CSMD1: variants seen among roughly 807,000 people sequenced by gnomAD.
The protein encoded by CSMD1 is CUB and Sushi multiple domains 1.
In CSMD1, 213 loss-of-function variants were observed where a neutral mutation model predicts 417.5. The ratio of observed to expected loss-of-function variants is 0.51; its 90% CI spans 0.46 to 0.57. CSMD1 has a LOEUF of 0.57. Ranked by LOEUF, CSMD1 falls within the 20% of genes least tolerant of loss-of-function variation. The pLI is 0.00. For missense variants in CSMD1, 6,923 were observed against 4,529.7 expected (o/e 1.53, Z -15.17); for synonymous variants, 2,862 against 1,736.8 (o/e 1.65, Z -16.11).
At chr8:3,415,593 A>G (rs1813082720) in intron 12 of CSMD1, among the ~76,000 whole-genome samples, 2 of 152,176 alleles carry the variant, frequency 1.3e-5, no homozygotes, top group African/African-American at 4.8e-5. Context: ...TCCTGGCCTC[A>G]AGTGATCTGC....
At position 3,018,456 on chromosome 8, in the gene CSMD1, C is replaced by T. The variant is rs772395596; in HGVS notation, c.8029+21G>A. On this transcript the variant is annotated intron_variant, in intron 52 of 69. Coordinates refer to ENST00000635120, the MANE Select transcript of CSMD1 (RefSeq NM_033225.6). ...AAGGTTTATCTGCATTAAGTAAGTGCCAGAACACAGATGAATTTACCCAGA... is the reference window on the plus strand; with the variant it reads ...AAGGTTTATCTGCATTAAGTAAGTGTCAGAACACAGATGAATTTACCCAGA... 2.5e-6 allele frequency: 4 copies of T among 1,609,428 alleles called. No homozygotes were observed. In the South Asian group the frequency reaches 3.3e-5, roughly 13 times the overall value.
intron 3 of CSMD1, among the ~76,000 whole-genome samples, chr8:4,095,912 TTTCAG>T (rs1174455244): frequency 6.6e-6 from 1 of 152,214 alleles, no homozygotes; most frequent in Non-Finnish European, 1.5e-5. Flanking sequence ...CACATTTTTG[TTTCAG>T]TTATTTAAAT....
At chr8:4,932,314 T>G (rs1807301375) in intron 1 of CSMD1, among the ~76,000 whole-genome samples, 1 of 145,810 alleles carries the variant, frequency 6.9e-6, no homozygotes, top group Admixed American at 7.1e-5. Flanking sequence ...TGGTACCAAG[T>G]AACTACACAC....
intron 3 of CSMD1, among the ~76,000 whole-genome samples, chr8:4,054,425 C>G (rs779354102): frequency 6.6e-6 from 1 of 152,116 alleles, no homozygotes; most frequent in South Asian, 2.1e-4. Context: ...CATCATACCC[C>G]TAAACTCTTG....
intron 10 of CSMD1, among the ~76,000 whole-genome samples, chr8:3,544,642 C>G (rs1307332753): frequency 6.6e-6 from 1 of 152,138 alleles, no homozygotes; most frequent in Non-Finnish European, 1.5e-5. Flanking sequence ...ACCGTCCAAT[C>G]TGACAGCTTG....
chr8:4,128,224 G>A (rs1519172), intron 3 of CSMD1, among the ~76,000 whole-genome samples: 2 of 152,166 alleles, frequency 1.3e-5, no homozygotes, highest in South Asian at 2.1e-4. Context: ...TCCTTGAAAG[G>A]CATGTTTCTG....
chr8:4,640,744 A>T (rs1481754039), intron 1 of CSMD1, among the ~76,000 whole-genome samples: 1 of 151,816 alleles, frequency 6.6e-6, no homozygotes, highest in Non-Finnish European at 1.5e-5. Context: ...CCTTGTAAGT[A>T]CCTTTGTAAT....
At chr8:3,685,734 T>G (rs1209449799) in intron 7 of CSMD1, among the ~76,000 whole-genome samples, 4 of 152,042 alleles carry the variant, frequency 2.6e-5, no homozygotes, top group Admixed American at 2.6e-4. Context: ...TTTCTTTCTT[T>G]TTTTTTATAA....
chr8:4,001,834 AAAG>A (rs2130368071), intron 4 of CSMD1, among the ~76,000 whole-genome samples: 1 of 152,268 alleles, frequency 6.6e-6, no homozygotes, highest in African/African-American at 2.4e-5. Flanking sequence ...TAGATGACAT[AAAG>A]AAGGCAAAAT....
At chr8:3,351,357 T>C (rs1808408217) in intron 21 of CSMD1, among the ~76,000 whole-genome samples, 1 of 152,070 alleles carries the variant, frequency 6.6e-6, no homozygotes, top group Admixed American at 6.6e-5. Flanking sequence ...ATGCCTGTAA[T>C]CCCAGCACTT....
At chr8:4,336,821 A>G (rs113276270) in intron 3 of CSMD1, among the ~76,000 whole-genome samples, 2,722 of 152,222 alleles carry the variant, frequency 0.018, 79 homozygotes, top group African/African-American at 0.062. Context: ...CTCAGTAACT[A>G]GAGATGGAAT....
At chr8:3,184,432 C>A (rs1453222004) in intron 36 of CSMD1, among the ~76,000 whole-genome samples, 1 of 152,148 alleles carries the variant, frequency 6.6e-6, no homozygotes, top group Non-Finnish European at 1.5e-5. Context: ...AATGAGCAGA[C>A]CAACGGTGCC....
intron 55 of CSMD1, among the ~76,000 whole-genome samples, chr8:2,976,575 C>T (rs1804949289): frequency 6.6e-6 from 1 of 152,156 alleles, no homozygotes; most frequent in Non-Finnish European, 1.5e-5. Context: ...TCTAGAACTC[C>T]TGGCCTCAAG....
intron 8 of CSMD1, among the ~76,000 whole-genome samples, chr8:3,602,121 C>G (rs1235358058): frequency 1.3e-5 from 2 of 152,182 alleles, no homozygotes; most frequent in Non-Finnish European, 2.9e-5. Flanking sequence ...GAACTGCACA[C>G]TTAAAATGGT....
intron 1 of CSMD1, among the ~76,000 whole-genome samples, chr8:4,765,915 A>G (rs7018382): frequency 0.48 from 73,034 of 151,986 alleles, 18,000 homozygotes; most frequent in Admixed American, 0.63. Flanking sequence ...TAAATGCCAA[A>G]AGGGTTTGAA....
intron 3 of CSMD1, among the ~76,000 whole-genome samples, chr8:4,401,606 T>G (rs1804649038): frequency 6.6e-6 from 1 of 152,078 alleles, no homozygotes; most frequent in South Asian, 2.1e-4. Flanking sequence ...CCCTGTCACC[T>G]CGGTCACCAC....
chr8:4,047,541 ATTCC>A (rs574023233), intron 3 of CSMD1, among the ~76,000 whole-genome samples: 2,048 of 152,146 alleles, frequency 0.013, 38 homozygotes, highest in African/African-American at 0.046. Flanking sequence ...TCATTCATTC[ATTCC>A]ACAAATATTT....
chr8:3,407,720 G>T (rs865922550), intron 14 of CSMD1, among the ~76,000 whole-genome samples, 179 bp downstream of exon 14: 2 of 152,218 alleles, frequency 1.3e-5, no homozygotes, highest in Non-Finnish European at 2.9e-5. Context: ...TAAATACAGT[G>T]ATACATTTGT....
chr8:3,098,645 C>G (rs1343127740), intron 46 of CSMD1, among the ~76,000 whole-genome samples: 1 of 152,090 alleles, frequency 6.6e-6, no homozygotes, highest in Non-Finnish European at 1.5e-5. Flanking sequence ...TGATGGTGAC[C>G]TCATCGCTTT....
Sources: gnomAD v4.1 joint callset for allele counts (sites outside exome capture counted in the v4.1 genomes callset) on GRCh38, gnomAD v4.1.1 for gene constraint, MANE v1.5 for transcripts, NCBI Gene and HGNC (gene_info 2026-07-23, HGNC 2026-07-21) for gene names.